EXOC6B: variants seen among roughly 807,000 people sequenced by gnomAD.
EXOC6B encodes exocyst complex component 6B, also known as SEC15 homolog B.
EXOC6B carries 54 observed loss-of-function variants against 113.5 expected under a neutral mutation model. The ratio of observed to expected loss-of-function variants is 0.48; its 90% CI spans 0.38 to 0.60. EXOC6B has a LOEUF of 0.60. Among genes scored for constraint, EXOC6B ranks in the 20% least tolerant of loss-of-function variants. EXOC6B has a pLI of 0.00. For synonymous variants in EXOC6B, 357 were observed against 339.0 expected, an observed-to-expected ratio of 1.05 and a Z score of -0.58; for missense variants, 797 against 977.5, an observed-to-expected ratio of 0.82 and a Z score of 2.46.
chr2:72,778,987 A>C (rs1683874191), intron 1 of EXOC6B, among the ~76,000 whole-genome samples: 1 of 152,122 alleles, frequency 6.6e-6, no homozygotes, highest in South Asian at 2.1e-4. Context: ...ATGTCCATAT[A>C]TAGTATGTAT....
intron 1 of EXOC6B, among the ~76,000 whole-genome samples, chr2:72,745,741 C>T (rs1384358924): frequency 6.6e-6 from 1 of 152,144 alleles, no homozygotes; most frequent in East Asian, 1.9e-4. Flanking sequence ...CACTACCTAA[C>T]AGTTCACCAT....
intron 1 of EXOC6B, among the ~76,000 whole-genome samples, chr2:72,822,584 A>C (rs896444141): frequency 1.3e-5 from 2 of 152,206 alleles, no homozygotes; most frequent in African/African-American, 2.4e-5. Flanking sequence ...GCAAAGAAAG[A>C]AAGCAAGTAA....
intron 8 of EXOC6B, among the ~76,000 whole-genome samples, chr2:72,528,900 A>T (rs951042125): frequency 1.1e-4 from 16 of 152,108 alleles, no homozygotes; most frequent in African/African-American, 3.9e-4. Flanking sequence ...ATCTTGCTGC[A>T]CTCACTTATT....
At chr2:72,773,222 G>A (rs765993870) in intron 1 of EXOC6B, among the ~76,000 whole-genome samples, 5 of 148,312 alleles carry the variant, frequency 3.4e-5, no homozygotes, top group Non-Finnish European at 7.4e-5. Flanking sequence ...AACCTCCCAG[G>A]CTCAGGTGAT....
At chr2:72,471,154 C>T (rs538107555) in intron 17 of EXOC6B, among the ~76,000 whole-genome samples, 2 of 152,124 alleles carry the variant, frequency 1.3e-5, no homozygotes, top group East Asian at 3.9e-4. Flanking sequence ...TTAATGATCG[C>T]CATTCTAACT....
At chr2:72,192,842 T>C (rs1443164828) in intron 20 of EXOC6B, among the ~76,000 whole-genome samples, 1 of 152,206 alleles carries the variant, frequency 6.6e-6, no homozygotes, top group African/African-American at 2.4e-5. Context: ...TTGCACTTTA[T>C]ATACATTCCA....
intron 8 of EXOC6B, among the ~76,000 whole-genome samples, chr2:72,559,193 T>C (rs1703746778): frequency 6.6e-6 from 1 of 152,200 alleles, no homozygotes; most frequent in South Asian, 2.1e-4. Context: ...ATTATTAAAC[T>C]AAAAACAGAA....
At chr2:72,555,473 T>C (rs993167750) in intron 8 of EXOC6B, among the ~76,000 whole-genome samples, 10 of 152,234 alleles carry the variant, frequency 6.6e-5, no homozygotes, top group African/African-American at 1.9e-4. Flanking sequence ...TGGTATCTCA[T>C]TGTGGTTTTG....
At chr2:72,340,806 T>C (rs1018751034) in intron 19 of EXOC6B, among the ~76,000 whole-genome samples, 1 of 152,188 alleles carries the variant, frequency 6.6e-6, no homozygotes, top group African/African-American at 2.4e-5. Flanking sequence ...GAGCAACAGA[T>C]GAAGGGTGTG....
At chr2:72,671,610 A>C (rs752134605) in intron 6 of EXOC6B, among the ~76,000 whole-genome samples, 2 of 152,110 alleles carry the variant, frequency 1.3e-5, no homozygotes, top group African/African-American at 4.8e-5. Context: ...AGGCAGAAGA[A>C]TCGCTTGAAC....
intron 8 of EXOC6B, among the ~76,000 whole-genome samples, chr2:72,551,378 A>C (rs1268541951): frequency 1.3e-5 from 2 of 151,498 alleles, no homozygotes; most frequent in Non-Finnish European, 2.9e-5. Flanking sequence ...TTGTATTTTT[A>C]GTAGAGACAG....
intron 17 of EXOC6B, among the ~76,000 whole-genome samples, chr2:72,469,119 A>T (rs1323641367): frequency 2.0e-5 from 3 of 152,124 alleles, no homozygotes; most frequent in African/African-American, 4.8e-5. Context: ...GGTTTACATT[A>T]GGGTGTAATC....
chr2:72,642,651 C>T (rs1248851014), intron 6 of EXOC6B, among the ~76,000 whole-genome samples: 1 of 147,444 alleles, frequency 6.8e-6, no homozygotes, highest in Non-Finnish European at 1.5e-5. Context: ...GACCTAAAAC[C>T]ATAAAAACCC....
chr2:72,255,607 A>G (rs764114206), intron 20 of EXOC6B, among the ~76,000 whole-genome samples: 23 of 152,182 alleles, frequency 1.5e-4, no homozygotes, highest in Non-Finnish European at 2.9e-4. Flanking sequence ...TGTCTATTGT[A>G]TCCCTATCCC....
chr2:72,407,081 A>G (rs942308195), intron 18 of EXOC6B, among the ~76,000 whole-genome samples: 10 of 152,252 alleles, frequency 6.6e-5, no homozygotes, highest in African/African-American at 2.4e-4. Flanking sequence ...AGAATACTAT[A>G]AACACCTCTA....
chr2:72,397,576 C>T (rs552956833), intron 18 of EXOC6B, among the ~76,000 whole-genome samples: 3 of 147,998 alleles, frequency 2.0e-5, no homozygotes, highest in Non-Finnish European at 3.0e-5. Context: ...GCCGAGATCA[C>T]GCCACTGCAC....
At chr2:72,748,479 G>A (rs1447654127) in intron 1 of EXOC6B, among the ~76,000 whole-genome samples, 1 of 152,012 alleles carries the variant, frequency 6.6e-6, no homozygotes, top group African/African-American at 2.4e-5. Flanking sequence ...TAATCTGGAT[G>A]CTCTGGGTGC....
At chr2:72,621,022 G>A (rs1671709900) in intron 6 of EXOC6B, among the ~76,000 whole-genome samples, 1 of 152,146 alleles carries the variant, frequency 6.6e-6, no homozygotes, top group Non-Finnish European at 1.5e-5. Flanking sequence ...GCAAAGCTAT[G>A]GAGAAAAGGG....
intron 20 of EXOC6B, among the ~76,000 whole-genome samples, chr2:72,237,525 T>C (rs1322156710): frequency 6.6e-6 from 1 of 152,002 alleles, no homozygotes; most frequent in Non-Finnish European, 1.5e-5. Context: ...CAAAGAAAAC[T>C]GACTATAAAT....
Sources: gnomAD v4.1 joint callset for allele counts (sites outside exome capture counted in the v4.1 genomes callset) on GRCh38, gnomAD v4.1.1 for gene constraint, MANE v1.5 for transcripts, NCBI Gene and HGNC (gene_info 2026-07-23, HGNC 2026-07-21) for gene names.